PI4KA: variants seen among roughly 807,000 people sequenced by gnomAD.
PI4KA encodes the protein PI4-kinase alpha.
In PI4KA, 122 loss-of-function variants were observed where a neutral mutation model predicts 271.4. That is an observed-to-expected ratio of 0.45 (90% confidence interval 0.39 to 0.52). The LOEUF (loss-of-function observed/expected upper bound fraction) is 0.52, where lower values mean the gene tolerates loss of function less well. Among genes scored for constraint, PI4KA ranks in the 20% least tolerant of loss-of-function variants. The pLI, the probability that PI4KA is intolerant of heterozygous loss-of-function variation, is 0.00. For synonymous variants in PI4KA, 1,041 were observed against 1,078.8 expected (o/e 0.96, Z 0.69); for missense variants, 1,969 against 2,769.1 (o/e 0.71, Z 6.48).
chr22:20,729,583 G>A lies in PI4KA; in HGVS notation c.4488+49C>T, dbSNP rs528788244. ...CACACTGCCCCGGCCACCAGGTGTC[G>A]TACAGGCAGGTGGCGGGCAGCAGGC... On this transcript the variant is annotated intron_variant, in intron 38 of 54. Coordinates refer to ENST00000255882, the MANE Select transcript of PI4KA (RefSeq NM_058004.4). The A allele has an allele frequency of 1.9e-5, 30 of 1,551,178 alleles. No individual in the cohort carries two copies. In the East Asian group the frequency reaches 2.2e-4, roughly 11 times the overall value.
rs373160484 is a variant in PI4KA, at chr22:20,714,669, A to G, written c.5349T>C (p.Ile1783=). The G allele has an allele frequency of 3.8e-5, 62 of 1,613,860 alleles. No homozygotes were observed. Among genetic ancestry groups the G allele is most frequent in the Non-Finnish European group, 5.2e-5 (61 of 1,179,854 alleles). The change falls in exon 46 of 55, where the codon ATT becomes ATC. Residue 1783 remains isoleucine, a synonymous_variant. Coordinates refer to ENST00000255882, the MANE Select transcript of PI4KA (RefSeq NM_058004.4). ...CAGACTTGTAGTCGATGTCCAGCAC[A>G]ATGGCCTCAGGGTTGCTGGGCAGGT... is the stretch of plus-strand genomic sequence containing the variant. ...GCYLPSNPEA[I]VLDIDYKSGT... is the part of the protein sequence containing the mutation.
intron 1 of PI4KA, among the ~76,000 whole-genome samples, chr22:20,858,300 C>G (rs1927878634): frequency 6.6e-6 from 1 of 152,172 alleles, no homozygotes. Flanking sequence ...CCTGGGCCAG[C>G]AGCTCACATC....
chr22:20,856,769 T>C (rs528537534), intron 1 of PI4KA, among the ~76,000 whole-genome samples: 1 of 152,218 alleles, frequency 6.6e-6, no homozygotes, highest in East Asian at 1.9e-4. Context: ...CAGTTATTAC[T>C]ACAAAGCTAA....
At chr22:20,756,896 TGAGATTACAGGTGTGA>T (rs1190897195) in intron 23 of PI4KA, among the ~76,000 whole-genome samples, 2 of 152,222 alleles carry the variant, frequency 1.3e-5, no homozygotes, top group East Asian at 3.9e-4. Context: ...CCCAAAGTGC[TGAGATTACAGGTGTGA>T]GCTACCACAC....
intron 1 of PI4KA, among the ~76,000 whole-genome samples, chr22:20,856,724 T>A (rs931360480): frequency 5.3e-5 from 8 of 152,198 alleles, no homozygotes; most frequent in African/African-American, 1.9e-4. Flanking sequence ...TGAGCCACCG[T>A]GCCCCATCAT....
At chr22:20,727,676 C>G in intron 40 of PI4KA, 98 bp downstream of exon 40, 1 of 883,890 alleles carries the variant, frequency 1.1e-6, no homozygotes, top group Non-Finnish European at 1.8e-6. Context: ...AGTTGCCAAG[C>G]GGCTGTTTTT....
At chr22:20,755,629 C>T (rs1336349908) in intron 23 of PI4KA, among the ~76,000 whole-genome samples, 8 of 151,748 alleles carry the variant, frequency 5.3e-5, no homozygotes, top group Non-Finnish European at 7.4e-5. Context: ...GGTGAAACCC[C>T]GTCTCTACTA....
Position 20,727,553 on chromosome 22 carries a change from G to A in PI4KA, c.4774-156C>T, listed in dbSNP as rs536115341. On this transcript the variant is annotated intron_variant, in intron 40 of 54. Transcript: ENST00000255882. ...CTTCTGATGTGTTATGGAAAACAAC[G>A]TAACTGCAATTAGGGTGAAGTGCAT... 25 of 741,560 alleles carry A rather than the reference G, an allele frequency of 3.4e-5. No homozygotes were observed. The African/African-American group carries it at 3.4e-4, about 10-fold the overall frequency. The allele number at this position is 741,560 out of a possible 1,614,324, so 45.9% of individuals were successfully genotyped here. A position where few individuals can be genotyped will look rare whatever the true frequency, so the allele number is the denominator to read the frequency against.
Position 20,765,595 on chromosome 22 carries a change from C to T in PI4KA, c.2427G>A (p.Val809=). 3 of 1,599,174 alleles carry T rather than the reference C, an allele frequency of 1.9e-6. No individual in the cohort carries two copies. Among genetic ancestry groups the T allele is most frequent in the Middle Eastern group, 1.7e-4 (1 of 6,010 alleles). Residue 809 remains valine (V), a synonymous_variant, in exon 20 of 55, where the codon GTG becomes GTA. Coordinates refer to ENST00000255882, the MANE Select transcript of PI4KA (RefSeq NM_058004.4). The part of the protein sequence containing the change: ...WLYSVLMGFA[V]EGSGLWPEEW... ...AGATGATCCCCCTACCTGAGCCCTC[C>T]ACAGCGAATCCCATCAGAACGGAAT...
intron 18 of PI4KA, 125 bp from the exon 19 acceptor site, chr22:20,793,368 G>C (rs1197144689): frequency 3.3e-6 from 2 of 605,892 alleles, no homozygotes; most frequent in African/African-American, 1.9e-5. Flanking sequence ...AATGATGAGA[G>C]ATATGCAGAG....
At chr22:20,764,191 T>C (rs1932282351) in intron 22 of PI4KA, among the ~76,000 whole-genome samples, 1 of 152,152 alleles carries the variant, frequency 6.6e-6, no homozygotes, top group Non-Finnish European at 1.5e-5. Context: ...CTCAGCACAG[T>C]GGGTCTGTAT....
At chr22:20,755,700 G>A (rs1180436052) in intron 23 of PI4KA, among the ~76,000 whole-genome samples, 2 of 151,984 alleles carry the variant, frequency 1.3e-5, no homozygotes, top group Non-Finnish European at 2.9e-5. Context: ...TACTTGGGAG[G>A]CTGGGGCATG....
In PI4KA at chr22:20,813,836, T is replaced by C. The variant is rs1269562562; in HGVS notation, c.857-330A>G. ...TTTTTTGAGACAGAGTCTCGCTCTG[T>C]TGCCCAGGCTGGAGTGCAGCAGTGT... On this transcript the variant is annotated intron_variant, in intron 7 of 54. Transcript: ENST00000255882. Among the ~76,000 whole-genome samples, 4 of 152,232 alleles carry C rather than the reference T, an allele frequency of 2.6e-5. No individual in the cohort carries two copies. The East Asian group carries it at 7.7e-4, about 29-fold the overall frequency.
intron 50 of PI4KA, 91 bp from the exon 51 acceptor site, chr22:20,711,552 A>G (rs1220419967): frequency 8.7e-7 from 1 of 1,146,972 alleles, no homozygotes; most frequent in African/African-American, 1.6e-5. Context: ...GCCTGTGGGC[A>G]CTCTCCCTGG....
In PI4KA at chr22:20,793,212, A is replaced by T. The variant is rs1338179449; in HGVS notation, c.2309T>A (p.Leu770His). The T allele has an allele frequency of 1.1e-5, 18 of 1,572,334 alleles. No individual in the cohort carries two copies. In the Admixed American group the frequency reaches 2.8e-4, roughly 25 times the overall value. The change falls in exon 19 of 55, where the codon CTC (leucine) becomes CAC (histidine). Residue 770 changes from leucine (L) to histidine (H), a missense_variant. Transcript: ENST00000255882. Reference protein sequence around the residue: ...ASSSAGNLGVLIPVIAVLTRR... With the variant: ...ASSSAGNLGVHIPVIAVLTRR... Reference sequence around the variant, plus strand: ...ACTCACCACAGCTATTACAGGAATGAGTACTCCCAAGTTCCCTGCACTGCT... The same window carrying T: ...ACTCACCACAGCTATTACAGGAATGTGTACTCCCAAGTTCCCTGCACTGCT...
chr22:20,780,041 T>C (rs1225027846), intron 19 of PI4KA: 2 of 1,614,130 alleles, frequency 1.2e-6, no homozygotes, highest in Admixed American at 1.7e-5. Context: ...TAAGAGAGTA[T>C]TACTTTGCTG....
chr22:20,748,349 G>A (rs76888103), intron 28 of PI4KA, among the ~76,000 whole-genome samples: 16,750 of 152,322 alleles, frequency 0.11, 1,351 homozygotes, highest in Non-Finnish European at 0.16. Context: ...TGGCCTTGCG[G>A]TCAACAGGCA....
At chr22:20,801,855 C>T in intron 14 of PI4KA, 118 bp downstream of exon 14, 1 of 1,142,576 alleles carries the variant, frequency 8.8e-7, no homozygotes, top group Non-Finnish European at 1.2e-6. Context: ...CACTGCATTC[C>T]AGCCTGGGCA....
intron 28 of PI4KA, among the ~76,000 whole-genome samples, chr22:20,749,072 G>A (rs1930404180): frequency 6.6e-6 from 1 of 152,180 alleles, no homozygotes; most frequent in African/African-American, 2.4e-5. Flanking sequence ...ATTAGAGGGG[G>A]CCTCCCCTCT....
Sources: gnomAD v4.1 joint callset for allele counts (sites outside exome capture counted in the v4.1 genomes callset) on GRCh38, gnomAD v4.1.1 for gene constraint, MANE v1.5 for transcripts, NCBI Gene and HGNC (gene_info 2026-07-23, HGNC 2026-07-21) for gene names.